WDR48: variants seen among roughly 807,000 people sequenced by gnomAD.
The protein encoded by WDR48 is WD repeat domain 48.
In WDR48, 22 loss-of-function variants were observed where a neutral mutation model predicts 94.0. That is an observed-to-expected ratio of 0.23 (90% confidence interval 0.17 to 0.33). WDR48 has a LOEUF of 0.33. Among genes scored for constraint, WDR48 ranks in the 10% least tolerant of loss-of-function variants. The pLI is 1.00. For missense variants in WDR48, 541 were observed against 813.8 expected (o/e 0.66, Z 4.08); for synonymous variants, 278 against 280.5 (o/e 0.99, Z 0.09).
chr3:39,077,292 G>A, intron 9 of WDR48, 79 bp downstream of exon 9: 2 of 1,498,492 alleles, frequency 1.3e-6, no homozygotes, highest in Non-Finnish European at 1.8e-6. Context: ...AGTTGCAAAT[G>A]CTCAGTGTGG....
chr3:39,088,039 C>A, intron 14 of WDR48, 89 bp from the exon 15 acceptor site: 1 of 1,207,232 alleles, frequency 8.3e-7, no homozygotes, highest in Non-Finnish European at 1.2e-6. Flanking sequence ...TTTAATCTTG[C>A]AATGTTTGAA....
At chr3:39,091,815 T>C in intron 17 of WDR48, 114 bp downstream of exon 17, 1 of 928,988 alleles carries the variant, frequency 1.1e-6, no homozygotes, top group East Asian at 3.1e-5. Context: ...GATTTTATAA[T>C]ATTCAAAGTT....
At chr3:39,064,277 T>A (rs1028613135) in intron 2 of WDR48, among the ~76,000 whole-genome samples, 1 of 147,610 alleles carries the variant, frequency 6.8e-6, no homozygotes, top group Admixed American at 6.7e-5. Flanking sequence ...TTCTTTTTTT[T>A]CTTTTTTTTT....
intron 17 of WDR48, among the ~76,000 whole-genome samples, chr3:39,092,248 A>G (rs2035113807): frequency 6.6e-6 from 1 of 152,212 alleles, no homozygotes; most frequent in Non-Finnish European, 1.5e-5. Flanking sequence ...CCTGTATATA[A>G]TAGTTGTTTT....
intron 1 of WDR48, among the ~76,000 whole-genome samples, chr3:39,060,122 G>A (rs910939915): frequency 5.9e-5 from 9 of 152,128 alleles, no homozygotes; most frequent in South Asian, 2.1e-4. Context: ...CCCTTTCAAA[G>A]TGTACAATTC....
rs922605176 is a variant in WDR48, at chr3:39,066,797, G to A, written c.403G>A (p.Ala135Thr). ...CAAGGATAAAGAACTAGTAGCATCAGCTGGGTTGGACAGACAAATATTCCT... is the reference window on the plus strand; with the variant it reads ...CAAGGATAAAGAACTAGTAGCATCAACTGGGTTGGACAGACAAATATTCCT... Reference protein sequence around the residue: ...YAKDKELVASAGLDRQIFLWD... With the variant: ...YAKDKELVASTGLDRQIFLWD... The change falls in exon 5 of 19, where the codon GCT becomes ACT. Residue 135 changes from alanine to threonine, a missense_variant. Ala to Thr is a moderately conservative substitution (Grantham distance 58). Around this residue, in one of 5 missense-constraint regions of WDR48, gnomAD observed 104 missense variants for 189.7 expected, o/e 0.55. Transcript: ENST00000302313. The A allele has an allele frequency of 5.0e-6, 8 of 1,613,994 alleles. No homozygotes were observed. The highest frequency in any genetic ancestry group is 4.5e-5 in the East Asian group (2 of 44,864).
intron 2 of WDR48, among the ~76,000 whole-genome samples, chr3:39,065,581 G>T: frequency 6.6e-6 from 1 of 151,266 alleles, no homozygotes; most frequent in East Asian, 1.9e-4. Flanking sequence ...TGAAGTATTT[G>T]TCCTGGAAAC....
intron 6 of WDR48, 140 bp downstream of exon 6, chr3:39,068,999 G>A: frequency 1.6e-6 from 1 of 623,674 alleles, no homozygotes; most frequent in South Asian, 2.7e-5. Flanking sequence ...TGTCACCCAG[G>A]TTGGGGTGCA....
At chr3:39,062,191 G>A (rs2033311984) in intron 1 of WDR48, among the ~76,000 whole-genome samples, 1 of 152,190 alleles carries the variant, frequency 6.6e-6, no homozygotes, top group Non-Finnish European at 1.5e-5. Flanking sequence ...CCTGTGTCCT[G>A]AATTGTATTG....
At chr3:39,052,590 G>GCTGT (rs2032523419) in intron 1 of WDR48, 1 of 156,878 alleles carries the variant, frequency 6.4e-6, no homozygotes, top group African/African-American at 2.4e-5. Flanking sequence ...TTATGTGGGA[G>GCTGT]CTGTCCCCTG....
At chr3:39,055,130 G>A (rs1285233696) in intron 1 of WDR48, among the ~76,000 whole-genome samples, 1 of 152,180 alleles carries the variant, frequency 6.6e-6, no homozygotes, top group Non-Finnish European at 1.5e-5. Context: ...CGAGACAGTA[G>A]CCCTGAGCTC....
chr3:39,077,025 G>A, intron 8 of WDR48, 114 bp from the exon 9 acceptor site: 10 of 1,164,528 alleles, frequency 8.6e-6, no homozygotes, highest in African/African-American at 1.5e-5. Context: ...CACATGCCCA[G>A]GTATAGTCAC....
intron 10 of WDR48, 148 bp from the exon 11 acceptor site, chr3:39,079,563 T>A: frequency 2.1e-6 from 1 of 477,064 alleles, no homozygotes; most frequent in Non-Finnish European, 3.6e-6. Flanking sequence ...GCTTTAGATA[T>A]AATTATATAG....
chr3:39,066,974 G>A, intron 5 of WDR48, 99 bp downstream of exon 5: 1 of 1,423,932 alleles, frequency 7.0e-7, no homozygotes. Flanking sequence ...TCGAGAGAGT[G>A]TTTCATATTT....
chr3:39,087,236 AGTTTATGAAGAAAG>A (rs2034856308), intron 14 of WDR48, among the ~76,000 whole-genome samples: 1 of 152,178 alleles, frequency 6.6e-6, no homozygotes, highest in Non-Finnish European at 1.5e-5. Flanking sequence ...CTGGGTCAAA[AGTTTATGAAGAAAG>A]CAGAATGGAG....
In WDR48 at chr3:39,088,250, CAAG is replaced by C; in HGVS notation, c.1580+19_1580+21del. On this transcript the variant is annotated intron_variant, in intron 15 of 18. Transcript: ENST00000302313. ...ACTGTTCAGGTATGGGTAAGAAAGA[CAAG>C]AGGTTCTGCCTGAGAAGGTATCCCA... is the stretch of plus-strand genomic sequence containing the variant. 6.2e-7 allele frequency: 1 copy of C among 1,611,966 alleles called. No individual in the cohort carries two copies. The highest frequency in any genetic ancestry group is 8.5e-7 in the Non-Finnish European group (1 of 1,178,368).
At chr3:39,094,167 T>G in intron 18 of WDR48, 101 bp downstream of exon 18, 1 of 1,496,304 alleles carries the variant, frequency 6.7e-7, no homozygotes, top group Non-Finnish European at 8.9e-7. Flanking sequence ...AGAGGGGCTC[T>G]AAGGAGCCCT....
At chr3:39,068,943 C>T (rs751689150) in intron 6 of WDR48, 84 bp downstream of exon 6, 55 of 1,040,170 alleles carry the variant, frequency 5.3e-5, no homozygotes, top group Admixed American at 6.8e-5. Context: ...AGGTATTTTA[C>T]GATTAGCTTC....
intron 8 of WDR48, among the ~76,000 whole-genome samples, chr3:39,075,937 C>T (rs2034200651): frequency 6.6e-6 from 1 of 152,138 alleles, no homozygotes; most frequent in Non-Finnish European, 1.5e-5. Flanking sequence ...ACCTGGTGAT[C>T]TGCCCACCTC....
Sources: allele counts gnomAD v4.1 joint callset (sites outside exome capture counted in the v4.1 genomes callset), GRCh38; gene constraint gnomAD v4.1.1; regional missense constraint gnomAD v4.1.1; transcripts MANE v1.5; gene names NCBI Gene and HGNC (gene_info 2026-07-23, HGNC 2026-07-21).